KIF13B: variants seen among roughly 807,000 people sequenced by gnomAD.
KIF13B encodes kinesin family member 13B, also known as kinesin-like protein KIF13B.
In KIF13B, 127 loss-of-function variants were observed where a neutral mutation model predicts 222.0. The ratio of observed to expected loss-of-function variants is 0.57; its 90% confidence interval spans 0.50 to 0.66. The LOEUF is 0.66. KIF13B is among the 30% of genes least tolerant of loss of function. The probability of loss-of-function intolerance (pLI) is 0.00; values close to 1 mark genes in which losing one functional copy is unlikely to be tolerated. For missense variants in KIF13B, 2,173 were observed against 2,379.0 expected (o/e 0.91, Z 1.80); for synonymous variants, 976 against 919.0 (o/e 1.06, Z -1.12).
intron 32 of KIF13B, among the ~76,000 whole-genome samples, chr8:29,111,910 A>C (rs1428022513): frequency 6.6e-6 from 1 of 152,258 alleles, no homozygotes; most frequent in East Asian, 1.9e-4. Flanking sequence ...AATGAAGCAC[A>C]CAGAGCAATC....
chr8:29,208,898 A>T (rs1814080200), intron 2 of KIF13B, among the ~76,000 whole-genome samples: 5 of 152,034 alleles, frequency 3.3e-5, no homozygotes, highest in Admixed American at 3.3e-4. Flanking sequence ...CCTTTTCTCC[A>T]CTATAAAGTT....
chr8:29,257,811 C>CA (rs1400181469), intron 1 of KIF13B, among the ~76,000 whole-genome samples: 10 of 151,032 alleles, frequency 6.6e-5, no homozygotes, highest in East Asian at 1.9e-4. Flanking sequence ...GACCCTGTCT[C>CA]AAAAAAAATA....
At position 29,130,636 on chromosome 8, in the gene KIF13B, A is replaced by G. The variant is rs1810302015; in HGVS notation, c.2972T>C (p.Phe991Ser). ...RWSEVTRKLE[F>S]WVQILEQNEN... ...ATTCTGTTCCAAGATTTGAACCCAG[A>G]ATTCCAATTTCCTGGTCACTTCACT... The change falls in exon 24 of 40, where the codon TTC becomes TCC. Residue 991 changes from phenylalanine (F) to serine (S), a missense_variant. By Grantham distance (155) the Phe-to-Ser change is radical. Coordinates refer to ENST00000524189, the MANE Select transcript of KIF13B (RefSeq NM_015254.4). The G allele has an allele frequency of 6.2e-7, 1 of 1,613,720 alleles. No individual in the cohort carries two copies. Among genetic ancestry groups the G allele is most frequent in the Non-Finnish European group, 8.5e-7 (1 of 1,179,788 alleles).
At chr8:29,253,759 G>A (rs1217764564) in intron 1 of KIF13B, among the ~76,000 whole-genome samples, 1 of 149,750 alleles carries the variant, frequency 6.7e-6, no homozygotes, top group Non-Finnish European at 1.5e-5. Context: ...GAATCTGGGA[G>A]GCAGAGGCTG....
chr8:29,142,996 G>A (rs1810887781), intron 18 of KIF13B, among the ~76,000 whole-genome samples: 1 of 152,082 alleles, frequency 6.6e-6, no homozygotes, highest in South Asian at 2.1e-4. Context: ...AGGACCACAG[G>A]TGCATGCCAA....
upstream of KIF13B, chr8:29,263,105 G>A (rs931578379): frequency 8.2e-6 from 12 of 1,460,012 alleles, no homozygotes; most frequent in South Asian, 2.5e-5. Flanking sequence ...GGGTTGACCC[G>A]GCGGGAGGGG....
At chr8:29,194,330 C>A (rs185314871) in intron 3 of KIF13B, among the ~76,000 whole-genome samples, 154 of 141,258 alleles carry the variant, frequency 1.1e-3, no homozygotes, top group African/African-American at 3.8e-3. Context: ...TTAGGGATTT[C>A]TTTAACAGTG....
intron 16 of KIF13B, 30 bp downstream of exon 16, chr8:29,148,547 G>C: frequency 1.3e-6 from 2 of 1,519,930 alleles, no homozygotes; most frequent in Non-Finnish European, 1.8e-6. Context: ...AACTGGAACT[G>C]ATTCTCAAGT....
intron 2 of KIF13B, among the ~76,000 whole-genome samples, chr8:29,207,583 T>C (rs900519425): frequency 6.6e-6 from 1 of 151,954 alleles, no homozygotes. Flanking sequence ...CCCAGTGTCC[T>C]GATACTCATC....
At chr8:29,239,125 C>T (rs982212661) in intron 2 of KIF13B, among the ~76,000 whole-genome samples, 2 of 152,158 alleles carry the variant, frequency 1.3e-5, no homozygotes, top group African/African-American at 4.8e-5. Context: ...TGTTAATGTG[C>T]ATACCCGCCC....
intron 24 of KIF13B, 74 bp from the exon 25 acceptor site, chr8:29,127,342 C>A (rs1219417620): frequency 1.5e-6 from 2 of 1,305,674 alleles, no homozygotes; most frequent in Admixed American, 2.0e-5. Context: ...GAGACCCCTA[C>A]AGGCTGATGT....
At chr8:29,217,178 G>A (rs143479362) in intron 2 of KIF13B, among the ~76,000 whole-genome samples, 1 of 152,232 alleles carries the variant, frequency 6.6e-6, no homozygotes, top group Non-Finnish European at 1.5e-5. Flanking sequence ...CCCCCACCCT[G>A]TAGAGGAGGC....
At chr8:29,103,600 A>G (rs1048051835) in intron 35 of KIF13B, among the ~76,000 whole-genome samples, 18 of 152,232 alleles carry the variant, frequency 1.2e-4, no homozygotes, top group Non-Finnish European at 2.4e-4. Context: ...CATTTGGAAT[A>G]GTTAACAAAA....
At chr8:29,225,880 A>C (rs1050531238) in intron 2 of KIF13B, among the ~76,000 whole-genome samples, 1 of 152,232 alleles carries the variant, frequency 6.6e-6, no homozygotes, top group Non-Finnish European at 1.5e-5. Context: ...ACCAGATAGC[A>C]GCAAAGGAAA....
upstream of KIF13B, chr8:29,263,190 T>G: frequency 1.6e-6 from 1 of 626,656 alleles, no homozygotes. Context: ...CCCCGCTGTA[T>G]GGCGGGACTT....
chr8:29,146,999 A>G (rs1292124287), intron 17 of KIF13B, among the ~76,000 whole-genome samples: 2 of 152,236 alleles, frequency 1.3e-5, no homozygotes, highest in East Asian at 3.8e-4. Context: ...ACAGAGATCA[A>G]ATTTGCAATC....
chr8:29,141,865 C>T (rs1484159906), intron 19 of KIF13B, among the ~76,000 whole-genome samples: 1 of 152,082 alleles, frequency 6.6e-6, no homozygotes, highest in Non-Finnish European at 1.5e-5. Context: ...AAGAGGTTCC[C>T]AGAGAGCACA....
intron 35 of KIF13B, among the ~76,000 whole-genome samples, chr8:29,106,273 A>G (rs193263092): frequency 6.6e-6 from 1 of 152,334 alleles, no homozygotes; most frequent in African/African-American, 2.4e-5. Context: ...CTGGACAGCA[A>G]TTTGTATGTC....
chr8:29,251,050 C>A (rs1271009563), intron 1 of KIF13B, among the ~76,000 whole-genome samples: 1 of 151,942 alleles, frequency 6.6e-6, no homozygotes, highest in Non-Finnish European at 1.5e-5. Flanking sequence ...ACTCGGGAGG[C>A]CAAGGCGGAA....
Sources: gnomAD v4.1 joint callset for allele counts (sites outside exome capture counted in the v4.1 genomes callset) on GRCh38, gnomAD v4.1.1 for gene constraint, MANE v1.5 for transcripts, NCBI Gene and HGNC (gene_info 2026-07-23, HGNC 2026-07-21) for gene names.